The following NOL10 variants were observed in gnomAD, a reference collection of about 807,000 sequenced individuals.
NOL10 encodes the protein H_NH0074G24.1.
A neutral mutation model predicts 103.5 loss-of-function variants in NOL10; 58 were observed. The observed-to-expected ratio is 0.56, with a 90% CI of 0.45 to 0.70. The LOEUF (loss-of-function observed/expected upper bound fraction) is 0.70. NOL10 is among the 30% of genes least tolerant of loss of function. NOL10 has a pLI of 0.00. For synonymous variants in NOL10, 287 were observed against 282.5 expected, an observed-to-expected ratio of 1.02 and a Z score of -0.16; for missense variants, 763 against 807.3, an observed-to-expected ratio of 0.95 and a Z score of 0.67.
chr2:10,686,268 T>C (rs997077846), intron 1 of NOL10, among the ~76,000 whole-genome samples: 7 of 152,128 alleles, frequency 4.6e-5, no homozygotes, highest in African/African-American at 1.4e-4. Flanking sequence ...AGCAACGACC[T>C]GAAAGGCATG....
At chr2:10,687,203 G>A (rs913393487) in intron 1 of NOL10, among the ~76,000 whole-genome samples, 2 of 152,062 alleles carry the variant, frequency 1.3e-5, no homozygotes, top group Admixed American at 6.6e-5. Context: ...GACAAGCAGG[G>A]GTTTCCAAAT....
intron 12 of NOL10, among the ~76,000 whole-genome samples, chr2:10,645,624 C>T (rs1421244754): frequency 6.6e-6 from 1 of 151,394 alleles, no homozygotes; most frequent in Non-Finnish European, 1.5e-5. Flanking sequence ...AGCTCCACCT[C>T]CTGGGTTCAC....
At chr2:10,676,759 C>A (rs1294025266) in intron 3 of NOL10, among the ~76,000 whole-genome samples, 1 of 150,292 alleles carries the variant, frequency 6.7e-6, no homozygotes, top group Non-Finnish European at 1.5e-5. Context: ...TGCCTCAGCC[C>A]CCTGAGTAGC....
At chr2:10,660,202 T>C (rs1273437791) in intron 9 of NOL10, among the ~76,000 whole-genome samples, 2 of 152,330 alleles carry the variant, frequency 1.3e-5, no homozygotes, top group East Asian at 3.9e-4. Context: ...GGGGCACCTG[T>C]GGGAACCTCG....
At position 10,618,590 on chromosome 2, in the gene NOL10, T is replaced by C. The variant is rs369762137; in HGVS notation, c.1027-11279A>G. On this transcript the variant is annotated intron_variant, in intron 13 of 20. Coordinates refer to ENST00000381685, the MANE Select transcript of NOL10 (RefSeq NM_024894.4). The stretch of plus-strand genomic sequence containing the variant: ...ATGTGTTTTCCTATTTTTGTATTTT[T>C]ATTTTTTTGTATTTTGGGTATAAAA... 5.3e-5 allele frequency among the ~76,000 whole-genome samples: 8 copies of C among 152,224 alleles called. No homozygotes were observed. The South Asian group carries it at 1.7e-3, about 31-fold the overall frequency.
At chr2:10,660,656 A>T (rs1157781945) in intron 9 of NOL10, among the ~76,000 whole-genome samples, 1 of 152,144 alleles carries the variant, frequency 6.6e-6, no homozygotes, top group Non-Finnish European at 1.5e-5. Context: ...TTTTGTTGTT[A>T]TTAGAATGTT....
intron 12 of NOL10, among the ~76,000 whole-genome samples, chr2:10,645,099 T>C (rs1265734133): frequency 6.6e-6 from 1 of 152,136 alleles, no homozygotes; most frequent in Admixed American, 6.5e-5. Flanking sequence ...TATACTATCT[T>C]AGTGAACATA....
intron 19 of NOL10, among the ~76,000 whole-genome samples, chr2:10,580,430 A>G (rs1674687072): frequency 7.2e-6 from 1 of 138,194 alleles, no homozygotes; most frequent in African/African-American, 2.7e-5. Flanking sequence ...TCTGACAGCC[A>G]TGGGGGACTT....
At chr2:10,623,849 G>A (rs144521040) in intron 13 of NOL10, among the ~76,000 whole-genome samples, 142 of 152,270 alleles carry the variant, frequency 9.3e-4, no homozygotes, top group African/African-American at 3.3e-3. Flanking sequence ...GATACTATAC[G>A]CTATAAATCG....
chr2:10,590,794 G>T (rs1248951121), intron 17 of NOL10: 2 of 152,202 alleles, frequency 1.3e-5, no homozygotes, highest in African/African-American at 4.8e-5. Context: ...CACTTAAGTA[G>T]ATGACAGAGA....
At chr2:10,641,116 T>A (rs995184459) in intron 13 of NOL10, among the ~76,000 whole-genome samples, 1 of 148,510 alleles carries the variant, frequency 6.7e-6, no homozygotes, top group African/African-American at 2.5e-5. Flanking sequence ...AGGTCAGGAG[T>A]TTGAGATCAG....
intron 13 of NOL10, among the ~76,000 whole-genome samples, chr2:10,615,761 T>G (rs527738940): frequency 9.2e-5 from 14 of 152,036 alleles, no homozygotes; most frequent in Non-Finnish European, 2.1e-4. Context: ...GCTCTAAGCA[T>G]GGGGGACGAC....
chr2:10,623,099 C>G lies in NOL10; in HGVS notation c.1027-15788G>C, dbSNP rs369370700. Among the ~76,000 whole-genome samples the G allele has an allele frequency of 2.0e-5, 3 of 152,120 alleles. No homozygotes were observed. The East Asian group carries it at 5.8e-4, about 29-fold the overall frequency. On this transcript the variant is annotated intron_variant, in intron 13 of 20. Transcript: ENST00000381685. ...CTAATCAATTACAGTGTGTCCTATC[C>G]CTGGCTTCCAAAGACAACCCCCATT...
chr2:10,659,189 C>T lies in NOL10; in HGVS notation c.739G>A (p.Gly247Arg). Residue 247 changes from glycine to arginine, a missense_variant, in exon 10 of 21, where the codon GGA (glycine) becomes AGA (arginine). Transcript: ENST00000381685. ...ATATTTACCTGCCCTGTGGTTGTTCCAACTGCCATGGTCAAGGCACCATTA... is the reference window on the plus strand; with the variant it reads ...ATATTTACCTGCCCTGTGGTTGTTCTAACTGCCATGGTCAAGGCACCATTA... ...KFNGALTMAVGTTTGQVLLYD... is the reference protein window; with the variant it reads ...KFNGALTMAVRTTTGQVLLYD... 6.2e-7 allele frequency: 1 copy of T among 1,603,420 alleles called. No homozygotes were observed. The highest frequency in any genetic ancestry group is 8.5e-7 in the Non-Finnish European group (1 of 1,174,580).
chr2:10,589,661 G>A lies in NOL10; in HGVS notation c.1513C>T (p.Leu505Phe), dbSNP rs1284833333. 3 of 1,591,072 alleles carry A rather than the reference G, an allele frequency of 1.9e-6. No individual in the cohort carries two copies. Among genetic ancestry groups the A allele is most frequent in the African/African-American group, 1.3e-5 (1 of 74,268 alleles). Residue 505 changes from leucine (L) to phenylalanine (F), a missense_variant, in exon 18 of 21, where the codon CTT becomes TTT. By Grantham distance (22) the Leu-to-Phe change is conservative. Coordinates refer to ENST00000381685, the MANE Select transcript of NOL10 (RefSeq NM_024894.4). ...QVDEESEEFR[L>F]LNPLVSKISE... ...ATTTTTGAAACAAGTGGATTCAGAAGCCTAAATTCTTCACTCTCTTCATCT... is the reference window on the plus strand; with the variant it reads ...ATTTTTGAAACAAGTGGATTCAGAAACCTAAATTCTTCACTCTCTTCATCT...
intron 13 of NOL10, among the ~76,000 whole-genome samples, chr2:10,624,522 A>G (rs963401125): frequency 6.6e-6 from 1 of 152,194 alleles, no homozygotes; most frequent in Admixed American, 6.5e-5. Context: ...ATTAAAAAAA[A>G]TAATAACCTA....
chr2:10,685,497 C>T lies in NOL10; in HGVS notation c.67-885G>A, dbSNP rs1179818378. Among the ~76,000 whole-genome samples, 8 of 19,978 alleles carry T rather than the reference C, an allele frequency of 4.0e-4. 2 individuals are homozygous for T. Among genetic ancestry groups the T allele is most frequent in the Non-Finnish European group, 9.6e-4 (5 of 5,198 alleles). 13.1% of individuals were successfully genotyped at this position (19,978 alleles called of 152,430 possible). A position where few individuals can be genotyped will look rare whatever the true frequency, so the allele number is the denominator to read the frequency against. On this transcript the variant is annotated intron_variant, in intron 1 of 20. Transcript: ENST00000381685. ...ACTGAGAGAGACTCCGTCCCCCCCC[C>T]CCCCCCCCCCGCCAAAAAAAAAGAA...
At chr2:10,631,684 T>TA (rs1043916778) in intron 13 of NOL10, among the ~76,000 whole-genome samples, 1 of 151,814 alleles carries the variant, frequency 6.6e-6, no homozygotes, top group African/African-American at 2.4e-5. Context: ...GTATGAAAAT[T>TA]ATACTCTGGC....
chr2:10,581,825 A>AAAG (rs35089853), intron 19 of NOL10, among the ~76,000 whole-genome samples: 10 of 152,156 alleles, frequency 6.6e-5, no homozygotes, highest in Non-Finnish European at 8.8e-5. Context: ...ATCTCAAAAA[A>AAAG]TAACATGAGG....
Sources: gnomAD v4.1 joint callset for allele counts (sites outside exome capture counted in the v4.1 genomes callset) on GRCh38, gnomAD v4.1.1 for gene constraint, MANE v1.5 for transcripts, NCBI Gene and HGNC (gene_info 2026-07-23, HGNC 2026-07-21) for gene names.